HCN1: variants seen among roughly 807,000 people sequenced by gnomAD.
HCN1 encodes potassium/sodium hyperpolarization-activated cyclic nucleotide-gated channel 1.
HCN1 carries 13 observed loss-of-function variants against 78.9 expected under a neutral mutation model. The ratio of observed to expected loss-of-function variants is 0.16; its 90% CI spans 0.11 to 0.26. The LOEUF is 0.26. HCN1 is among the 10% of genes least tolerant of loss of function. The pLI, the probability that HCN1 is intolerant of heterozygous loss-of-function variation, is 1.00. For synonymous variants in HCN1, 552 were observed against 455.5 expected (o/e 1.21, Z -2.70); for missense variants, 810 against 1,154.3 (o/e 0.70, Z 4.32).
intron 2 of HCN1, among the ~76,000 whole-genome samples, chr5:45,482,924 C>T (rs570515185): frequency 5.9e-5 from 9 of 152,240 alleles, no homozygotes; most frequent in Admixed American, 5.9e-4. Flanking sequence ...TATGTTGCTG[C>T]AAAACATATG....
intron 5 of HCN1, among the ~76,000 whole-genome samples, chr5:45,340,679 C>T (rs1444931299): frequency 4.6e-5 from 7 of 151,910 alleles, no homozygotes; most frequent in Non-Finnish European, 1.0e-4. Flanking sequence ...ATACCAGGGT[C>T]TTCAAAAAGC....
At chr5:45,358,961 T>C (rs1747060250) in intron 4 of HCN1, among the ~76,000 whole-genome samples, 2 of 152,128 alleles carry the variant, frequency 1.3e-5, no homozygotes, top group Non-Finnish European at 2.9e-5. Context: ...ACTCCATGCC[T>C]TTCTTCTTCT....
chr5:45,407,191 T>C lies in HCN1; in HGVS notation c.1012-10481A>G, dbSNP rs181406379. ...GATGGACCGTACATTCAGCAGTGGTTCTATAAGAAGATGATAATGGAGCAG... is the reference window on the plus strand; with the variant it reads ...GATGGACCGTACATTCAGCAGTGGTCCTATAAGAAGATGATAATGGAGCAG... On this transcript the variant is annotated intron_variant, in intron 3 of 7. Transcript: ENST00000303230. Among the ~76,000 whole-genome samples, 50 of 152,244 alleles carry C rather than the reference T, an allele frequency of 3.3e-4. 1 individual carries two copies. The East Asian group carries it at 7.6e-3, about 23-fold the overall frequency.
intron 2 of HCN1, among the ~76,000 whole-genome samples, chr5:45,560,168 G>C (rs1743565525): frequency 6.6e-6 from 1 of 152,132 alleles, no homozygotes; most frequent in African/African-American, 2.4e-5. Flanking sequence ...TGGGTCACTT[G>C]CTTTATTGCT....
At chr5:45,674,443 G>A (rs1047249465) in intron 1 of HCN1, among the ~76,000 whole-genome samples, 1 of 151,556 alleles carries the variant, frequency 6.6e-6, no homozygotes, top group Admixed American at 6.6e-5. Context: ...CATATACACA[G>A]TATTTGTTTA....
At chr5:45,572,329 G>A (rs541939645) in intron 2 of HCN1, among the ~76,000 whole-genome samples, 99 of 152,184 alleles carry the variant, frequency 6.5e-4, no homozygotes, top group South Asian at 4.1e-4. Context: ...GTCCTTTCAT[G>A]TTCTCCTTAT....
Position 45,309,308 on chromosome 5 carries a change from G to A in HCN1, c.1378-5469C>T, listed in dbSNP as rs184297176. On this transcript the variant is annotated intron_variant, in intron 5 of 7. Coordinates refer to ENST00000303230, the MANE Select transcript of HCN1 (RefSeq NM_021072.4). Reference sequence around the variant, plus strand: ...TTCTAGACATGGGATCCTGTCATTCGCAAACAGGGATAGCTTGACTTCCTC... The same window carrying A: ...TTCTAGACATGGGATCCTGTCATTCACAAACAGGGATAGCTTGACTTCCTC... Among the ~76,000 whole-genome samples, 758 of 152,170 alleles carry A rather than the reference G, an allele frequency of 5.0e-3. 5 individuals are homozygous for A. The highest frequency in any genetic ancestry group is 6.0e-3 in the Admixed American group (92 of 15,266).
At chr5:45,471,430 C>A (rs1042202743) in intron 2 of HCN1, among the ~76,000 whole-genome samples, 1 of 151,890 alleles carries the variant, frequency 6.6e-6, no homozygotes, top group African/African-American at 2.4e-5. Flanking sequence ...AGCATATCTC[C>A]GAATGTGATT....
intron 1 of HCN1, among the ~76,000 whole-genome samples, chr5:45,677,489 G>A (rs1699462692): frequency 6.6e-6 from 1 of 151,786 alleles, no homozygotes; most frequent in Non-Finnish European, 1.5e-5. Context: ...CCTCCAAAAG[G>A]GGTATTAAGT....
At chr5:45,315,297 C>G (rs915266750) in intron 5 of HCN1, among the ~76,000 whole-genome samples, 2 of 152,154 alleles carry the variant, frequency 1.3e-5, no homozygotes, top group Non-Finnish European at 2.9e-5. Context: ...AATGGAACAA[C>G]CTGCTCCTGA....
intron 1 of HCN1, among the ~76,000 whole-genome samples, chr5:45,677,712 C>A (rs189390925): frequency 2.6e-5 from 4 of 151,706 alleles, no homozygotes; most frequent in Admixed American, 2.0e-4. Context: ...AGAAAGAGAG[C>A]GAGTAAATCT....
intron 2 of HCN1, among the ~76,000 whole-genome samples, chr5:45,533,993 A>T (rs1438986874): frequency 6.6e-6 from 1 of 152,162 alleles, no homozygotes; most frequent in Admixed American, 6.5e-5. Flanking sequence ...CAGCTTTAAG[A>T]TGTATTATCT....
At chr5:45,601,654 G>T (rs528717195) in intron 2 of HCN1, among the ~76,000 whole-genome samples, 2 of 152,256 alleles carry the variant, frequency 1.3e-5, no homozygotes, top group Admixed American at 6.5e-5. Flanking sequence ...AACGCTGTCT[G>T]AGCTCCAGTT....
chr5:45,521,643 T>A (rs1441767693), intron 2 of HCN1, among the ~76,000 whole-genome samples: 1 of 151,958 alleles, frequency 6.6e-6, no homozygotes, highest in Non-Finnish European at 1.5e-5. Context: ...CCTGATTACC[T>A]CTGTTATGAC....
intron 2 of HCN1, among the ~76,000 whole-genome samples, chr5:45,490,495 A>T (rs543172563): frequency 3.3e-5 from 5 of 152,204 alleles, no homozygotes; most frequent in African/African-American, 1.2e-4. Flanking sequence ...GAGCATTCTT[A>T]CCAAACTGCT....
At chr5:45,514,058 C>T (rs1742472610) in intron 2 of HCN1, among the ~76,000 whole-genome samples, 1 of 152,072 alleles carries the variant, frequency 6.6e-6, no homozygotes, top group Non-Finnish European at 1.5e-5. Context: ...AGGATAGAAA[C>T]TATACGTCAA....
rs1011104204 is a variant in HCN1, at chr5:45,550,493, T to C, written c.850-88486A>G. ...GGGGAACATCACACACCGGTGCCTA[T>C]TGTGGGGTTGGGGCACGGGGGAGGG... is the stretch of plus-strand genomic sequence containing the variant. On this transcript the variant is annotated intron_variant, in intron 2 of 7. Transcript: ENST00000303230. 2.0e-5 allele frequency among the ~76,000 whole-genome samples: 3 copies of C among 152,036 alleles called. No individual in the cohort carries two copies. In the East Asian group the frequency reaches 5.8e-4, roughly 29 times the overall value.
At chr5:45,304,691 T>A (rs1337871944) in intron 5 of HCN1, among the ~76,000 whole-genome samples, 3 of 151,990 alleles carry the variant, frequency 2.0e-5, no homozygotes, top group African/African-American at 7.2e-5. Flanking sequence ...ATTAAAAAAA[T>A]AAAATTATAA....
intron 2 of HCN1, among the ~76,000 whole-genome samples, chr5:45,623,928 A>T (rs1432947359): frequency 1.3e-5 from 2 of 152,202 alleles, no homozygotes; most frequent in African/African-American, 4.8e-5. Flanking sequence ...AGAGATTTGA[A>T]AGAAGTGAAA....
Sources: allele counts gnomAD v4.1 joint callset (sites outside exome capture counted in the v4.1 genomes callset), GRCh38; gene constraint gnomAD v4.1.1; transcripts MANE v1.5; gene names NCBI Gene and HGNC (gene_info 2026-07-23, HGNC 2026-07-21).